Variants in DPP6 observed in about 807,000 individuals in gnomAD.
DPP6 encodes dipeptidyl peptidase like 6.
DPP6 carries 69 observed loss-of-function variants against 122.6 expected under a neutral mutation model. The observed-to-expected ratio is 0.56, with a 90% CI of 0.46 to 0.69. DPP6 has a LOEUF of 0.69. DPP6 is among the 30% of genes least tolerant of loss of function. The probability of loss-of-function intolerance (pLI) is 0.00; values close to 1 mark genes in which losing one functional copy is unlikely to be tolerated. For synonymous variants in DPP6, 418 were observed against 433.1 expected, an observed-to-expected ratio of 0.97 and a Z score of 0.43; for missense variants, 928 against 1,116.9, an observed-to-expected ratio of 0.83 and a Z score of 2.41.
At chr7:154,239,970 A>G (rs1352742066) in intron 1 of DPP6, among the ~76,000 whole-genome samples, 1 of 125,190 alleles carries the variant, frequency 8.0e-6, no homozygotes, top group East Asian at 2.8e-4. Context: ...CCAGCCTGGG[A>G]GACAGAGTAA....
rs1469895898 is a variant in DPP6, at chr7:154,624,231, G to A, written c.628-13590G>A. Among the ~76,000 whole-genome samples, 1 of 152,020 alleles carries A rather than the reference G, an allele frequency of 6.6e-6. No homozygotes were observed. Among genetic ancestry groups the A allele is most frequent in the African/African-American group, 2.4e-5 (1 of 41,376 alleles). Reference sequence around the variant, plus strand: ...TAAATCCAGCTACTTGGGAGGCTGAGGCAGAGAATTGCTTGAACCCGGGAG... The same window carrying A: ...TAAATCCAGCTACTTGGGAGGCTGAAGCAGAGAATTGCTTGAACCCGGGAG... On this transcript the variant is annotated intron_variant, in intron 5 of 25. Transcript: ENST00000377770. This position sits in a 1 kb window ranked among gnomAD's most constrained non-coding sequence, Gnocchi z 4.7.
intron 1 of DPP6, among the ~76,000 whole-genome samples, chr7:154,024,152 C>G: frequency 6.6e-6 from 1 of 152,084 alleles, no homozygotes; most frequent in Non-Finnish European, 1.5e-5. Flanking sequence ...ATTATGGGAG[C>G]AAATACAGTA....
intron 3 of DPP6, among the ~76,000 whole-genome samples, chr7:154,482,819 G>T (rs528607974): frequency 6.6e-6 from 1 of 152,260 alleles, no homozygotes; most frequent in South Asian, 2.1e-4. Context: ...GGAGGTGGTA[G>T]TGTATAGAAA....
chr7:154,780,837 G>A (rs78727256), intron 10 of DPP6, among the ~76,000 whole-genome samples: 3,245 of 152,334 alleles, frequency 0.021, 112 homozygotes, highest in African/African-American at 0.073. Flanking sequence ...GGGTAGGTGG[G>A]TGATGAATAG....
intron 1 of DPP6, among the ~76,000 whole-genome samples, chr7:154,409,511 C>A (rs189110603): frequency 6.6e-6 from 1 of 152,264 alleles, no homozygotes; most frequent in Admixed American, 6.5e-5. Context: ...TCATATAAGT[C>A]ATCTTTGAAC....
At chr7:154,063,283 G>T (rs1253383036) in intron 1 of DPP6, among the ~76,000 whole-genome samples, 1 of 129,772 alleles carries the variant, frequency 7.7e-6, no homozygotes, top group African/African-American at 2.8e-5. Context: ...TCGCAGAGGG[G>T]GGAGGGACCC....
intron 1 of DPP6, among the ~76,000 whole-genome samples, chr7:154,015,413 T>C (rs1798354597): frequency 6.6e-6 from 1 of 152,094 alleles, no homozygotes; most frequent in African/African-American, 2.4e-5. Flanking sequence ...GGATTCCTGG[T>C]TTTACATGTC....
At chr7:154,805,592 T>C (rs1180095643) in intron 15 of DPP6, among the ~76,000 whole-genome samples, 1 of 152,240 alleles carries the variant, frequency 6.6e-6, no homozygotes, top group Non-Finnish European at 1.5e-5. Flanking sequence ...GCAATTTCCC[T>C]TCTCAACAGC....
rs1563035672 is a variant in DPP6, at chr7:153,945,934, T to C, written c.51+58200T>C. On this transcript the variant is annotated intron_variant, in intron 1 of 25. Transcript: ENST00000404039. Reference sequence around the variant, plus strand: ...TCAATCAGTTGATCAAATTCCTAAGTGGAGCACACTGGAATGTGTGTGGCC... The same window carrying C: ...TCAATCAGTTGATCAAATTCCTAAGCGGAGCACACTGGAATGTGTGTGGCC... 2.0e-5 allele frequency among the ~76,000 whole-genome samples: 3 copies of C among 152,288 alleles called. No homozygotes were observed. In the East Asian group the frequency reaches 5.8e-4, roughly 29 times the overall value.
chr7:154,148,937 G>A (rs1220988086), intron 1 of DPP6, among the ~76,000 whole-genome samples: 3 of 152,130 alleles, frequency 2.0e-5, no homozygotes, highest in African/African-American at 4.8e-5. Context: ...TGGCTGCTCT[G>A]TGTGCTGACG....
chr7:154,790,172 T>A (rs1797584200), intron 10 of DPP6, among the ~76,000 whole-genome samples: 1 of 152,212 alleles, frequency 6.6e-6, no homozygotes. Flanking sequence ...CACTCCAGCC[T>A]GGGCAACAGA....
intron 1 of DPP6, among the ~76,000 whole-genome samples, chr7:154,035,462 C>T (rs1799472153): frequency 6.6e-6 from 1 of 152,068 alleles, no homozygotes; most frequent in African/African-American, 2.4e-5. Flanking sequence ...GTGATGTCTC[C>T]CTTATGCTAC....
chr7:153,789,901 T>C, the DPP6 span, among the ~76,000 whole-genome samples: 1 of 152,122 alleles, frequency 6.6e-6, no homozygotes, highest in Non-Finnish European at 1.5e-5. Flanking sequence ...ATAATCTTCT[T>C]CAAAGGTCAG....
intron 7 of DPP6, among the ~76,000 whole-genome samples, chr7:154,670,544 C>G (rs1330324687): frequency 2.0e-5 from 3 of 152,196 alleles, no homozygotes; most frequent in Admixed American, 2.0e-4. Context: ...TTTGTCCATT[C>G]TGGGTAACAT....
chr7:154,291,749 A>G (rs6955612), intron 1 of DPP6, among the ~76,000 whole-genome samples: 51,768 of 152,138 alleles, frequency 0.34, 8,759 homozygotes, highest in Middle Eastern at 0.4. Context: ...CCCCGGTCCA[A>G]TTGACCATGT....
intron 4 of DPP6, among the ~76,000 whole-genome samples, chr7:154,564,875 C>A (rs1830644433): frequency 6.6e-6 from 1 of 152,174 alleles, no homozygotes; most frequent in African/African-American, 2.4e-5. Context: ...TCTGCTTTCT[C>A]ATTTCAACTT....
intron 1 of DPP6, among the ~76,000 whole-genome samples, chr7:154,043,280 C>A (rs1161276796): frequency 6.6e-6 from 1 of 151,478 alleles, no homozygotes; most frequent in East Asian, 1.9e-4. Flanking sequence ...GTAATTCTAG[C>A]TACTTGGGAG....
the DPP6 span, among the ~76,000 whole-genome samples, chr7:153,861,720 GCA>G: frequency 6.6e-6 from 1 of 152,142 alleles, no homozygotes; most frequent in Non-Finnish European, 1.5e-5. Context: ...TTTCTTCCCA[GCA>G]CCAAGATAAA....
chr7:154,784,308 C>G (rs528820025), intron 10 of DPP6, among the ~76,000 whole-genome samples: 1 of 152,262 alleles, frequency 6.6e-6, no homozygotes, highest in East Asian at 1.9e-4. Flanking sequence ...TCGGCCCCAG[C>G]TGTGCGGACA....
Sources: allele counts gnomAD v4.1 joint callset (sites outside exome capture counted in the v4.1 genomes callset), GRCh38; gene constraint gnomAD v4.1.1; non-coding constraint Gnocchi (gnomAD v3.1); transcripts MANE v1.5; gene names NCBI Gene and HGNC (gene_info 2026-07-23, HGNC 2026-07-21).